Variants in ACTN1 observed in about 807,000 individuals in gnomAD.
ACTN1 encodes the protein actinin alpha 1.
In ACTN1, 30 loss-of-function variants were observed where a neutral mutation model predicts 119.6. The observed-to-expected ratio is 0.25, with a 90% confidence interval of 0.19 to 0.34. ACTN1 has a LOEUF of 0.34. Ranked by LOEUF, ACTN1 falls within the 10% of genes least tolerant of loss-of-function variation. ACTN1 has a pLI of 1.00. For synonymous variants in ACTN1, 429 were observed against 472.6 expected (o/e 0.91, Z 1.20); for missense variants, 764 against 1,223.4 (o/e 0.62, Z 5.60).
At chr14:68,961,758 A>G (rs2036549399) in intron 1 of ACTN1, among the ~76,000 whole-genome samples, 2 of 152,170 alleles carry the variant, frequency 1.3e-5, no homozygotes, top group Admixed American at 6.5e-5. Flanking sequence ...GCACAGAAGG[A>G]GGAGGCAGGA....
At chr14:68,917,882 A>G (rs2034398152) in intron 3 of ACTN1, among the ~76,000 whole-genome samples, 1 of 152,138 alleles carries the variant, frequency 6.6e-6, no homozygotes, top group African/African-American at 2.4e-5. Flanking sequence ...CCTGGCCAAC[A>G]TAGTGAAACC....
intron 1 of ACTN1, among the ~76,000 whole-genome samples, chr14:68,959,617 A>C (rs554771434): frequency 6.6e-6 from 1 of 152,252 alleles, no homozygotes; most frequent in African/African-American, 2.4e-5. Context: ...AATAAGCAAG[A>C]CATAGCAAAT....
At chr14:68,948,968 C>T (rs1433529668) in intron 1 of ACTN1, among the ~76,000 whole-genome samples, 1 of 152,238 alleles carries the variant, frequency 6.6e-6, no homozygotes, top group Non-Finnish European at 1.5e-5. Context: ...GACCAGTCAG[C>T]TGTGCACAGG....
At chr14:68,978,834 C>A in intron 1 of ACTN1, 118 bp downstream of exon 1, 1 of 607,668 alleles carries the variant, frequency 1.6e-6, no homozygotes, top group Non-Finnish European at 2.6e-6. Flanking sequence ...CGCCCCCGCC[C>A]CCTCCCGTGC....
intron 21 of ACTN1, among the ~76,000 whole-genome samples, 188 bp downstream of exon 21, chr14:68,876,894 C>G (rs1158212096): frequency 6.6e-6 from 1 of 152,182 alleles, no homozygotes. Flanking sequence ...TATACTAATC[C>G]TGTGTCCTGA....
chr14:68,945,671 C>T (rs73288978), intron 1 of ACTN1, among the ~76,000 whole-genome samples: 4,384 of 152,140 alleles, frequency 0.029, 186 homozygotes, highest in African/African-American at 0.1. Context: ...TCAGGAGAGA[C>T]GGGGAGGAGG....
intron 8 of ACTN1, among the ~76,000 whole-genome samples, chr14:68,895,778 G>T (rs1228274393): frequency 6.6e-6 from 1 of 152,144 alleles, no homozygotes; most frequent in Non-Finnish European, 1.5e-5. Flanking sequence ...TATCAAACTG[G>T]TGGACTAAGG....
In ACTN1 at chr14:68,925,066, C is replaced by T. The variant is rs928935362; in HGVS notation, c.220+492G>A. On this transcript the variant is annotated intron_variant, in intron 2 of 21. Coordinates refer to ENST00000394419, the MANE Select transcript of ACTN1 (RefSeq NM_001130004.2). The surrounding 1 kb of genome is among the most constrained non-coding windows in gnomAD (Gnocchi z 4.3). ...GCCCAGTGTATCAACCAAGGCTAGACTCACAGGACTCCCACCCCTTAAGGG... is the reference window on the plus strand; with the variant it reads ...GCCCAGTGTATCAACCAAGGCTAGATTCACAGGACTCCCACCCCTTAAGGG... Among the ~76,000 whole-genome samples, 1 of 152,184 alleles carries T rather than the reference C, an allele frequency of 6.6e-6. No homozygotes were observed. The highest frequency in any genetic ancestry group is 1.5e-5 in the Non-Finnish European group (1 of 68,040).
At chr14:68,943,116 C>T (rs1373773531) in intron 1 of ACTN1, among the ~76,000 whole-genome samples, 1 of 152,212 alleles carries the variant, frequency 6.6e-6, no homozygotes, top group African/African-American at 2.4e-5. Flanking sequence ...CCTTCCTGGC[C>T]TGTCCACTAG....
Position 68,880,870 on chromosome 14 carries a change from G to T in ACTN1, c.2073C>A (p.Asp691Glu), listed in dbSNP as rs2031442164. 1.2e-6 allele frequency: 2 copies of T among 1,613,992 alleles called. No individual in the cohort carries two copies. Among genetic ancestry groups the T allele is most frequent in the Admixed American group, 1.7e-5 (1 of 60,002 alleles). Residue 691 changes from aspartate to glutamate, a missense_variant, in exon 17 of 22, where the codon GAC becomes GAA. By Grantham distance (45) the Asp-to-Glu change is conservative. This residue lies in a region of ACTN1 where 544 missense variants were observed against 912.0 expected (regional missense o/e 0.60). Transcript: ENST00000394419. This position sits in a 1 kb window ranked among gnomAD's most constrained non-coding sequence, Gnocchi z 4.6. ...TGAGCGCCTCCTGGATGAGCTGGTG[G>T]TCGCCCTCCAGCTGATCAATCTTTG... ...YKPKIDQLEG[D>E]HQLIQEALIF...
At position 68,950,929 on chromosome 14, in the gene ACTN1, A is replaced by C. The variant is rs147820249; in HGVS notation, c.106-25257T>G. Among the ~76,000 whole-genome samples the C allele has an allele frequency of 5.6e-4, 86 of 152,274 alleles. 1 individual carries two copies. The highest frequency in any genetic ancestry group is 2.0e-3 in the African/African-American group (83 of 41,562). On this transcript the variant is annotated intron_variant, in intron 1 of 21. Transcript: ENST00000394419. ...AGACTTGTAAATCAAAAACATTTCA[A>C]ATTGTGATTCAGGAGGGTGTTTAAG...
rs2034764733 is a variant in ACTN1, at chr14:68,923,585, G to A, written c.220+1973C>T. Among the ~76,000 whole-genome samples the A allele has an allele frequency of 2.0e-5, 3 of 152,206 alleles. No individual in the cohort carries two copies. The South Asian group carries it at 6.2e-4, about 32-fold the overall frequency. ...AGCGCTTTGGGAGGCTGAGGTGGGA[G>A]GATCACCTGAGGTCAGGAGTTCAAT... is the stretch of plus-strand genomic sequence containing the variant. On this transcript the variant is annotated intron_variant, in intron 2 of 21. Transcript: ENST00000394419.
intron 1 of ACTN1, among the ~76,000 whole-genome samples, chr14:68,955,509 GTGGGCCAACCAGGGAAGCAGGGCGAGGC>G (rs2036326050): frequency 6.6e-6 from 1 of 152,204 alleles, no homozygotes; most frequent in African/African-American, 2.4e-5. Flanking sequence ...GGTCACTCCG[GTGGGCCAACCAGGGAAGCAGGGCGAGGC>G]AGGAAGCAGA....
intron 1 of ACTN1, chr14:68,978,164 C>T: frequency 4.4e-6 from 2 of 456,262 alleles, no homozygotes; most frequent in Non-Finnish European, 8.8e-6. Context: ...CCCAAATATC[C>T]CCTAAGACTG....
At chr14:68,974,552 TCACA>T (rs5809408) in intron 1 of ACTN1, among the ~76,000 whole-genome samples, 2 of 149,694 alleles carry the variant, frequency 1.3e-5, no homozygotes, top group African/African-American at 2.5e-5. Flanking sequence ...TCCTACAACA[TCACA>T]CACACACACA....
intron 11 of ACTN1, chr14:68,888,137 C>T (rs1218077121): frequency 5.2e-6 from 3 of 571,888 alleles, no homozygotes; most frequent in Non-Finnish European, 9.8e-6. Context: ...GGCATGCTGA[C>T]AGCCTTTGCG....
intron 1 of ACTN1, among the ~76,000 whole-genome samples, chr14:68,964,815 G>A (rs981639653): frequency 1.3e-5 from 2 of 152,078 alleles, no homozygotes; most frequent in South Asian, 2.1e-4. Flanking sequence ...GATCACCGCC[G>A]CCACCAGGCT....
Position 68,877,250 on chromosome 14 carries a change from A to G in ACTN1, c.2428-10T>C. The G allele has an allele frequency of 6.2e-7, 1 of 1,614,000 alleles. No individual in the cohort carries two copies. Among genetic ancestry groups the G allele is most frequent in the Non-Finnish European group, 8.5e-7 (1 of 1,179,958 alleles). On this transcript the variant is annotated splice_polypyrimidine_tract_variant and intron_variant, in intron 20 of 21. Coordinates refer to ENST00000394419, the MANE Select transcript of ACTN1 (RefSeq NM_001130004.2). ...CAAATTCTGCTTCTCCCTGGAGGGA[A>G]CAGCCAAACCCAGGCCTGTCAGCCC...
At position 68,880,124 on chromosome 14, in the gene ACTN1, G is replaced by A. The variant is rs752210315; in HGVS notation, c.2134-16C>T. On this transcript the variant is annotated splice_polypyrimidine_tract_variant and intron_variant, in intron 17 of 21. Transcript: ENST00000394419. This position sits in a 1 kb window ranked among gnomAD's most constrained non-coding sequence, Gnocchi z 4.6. ...CACGGATGTGCTGCAGGACGGCAAG[G>A]GGCCTGTCAGCAAAGGGGTCCCAGG... 3.7e-6 allele frequency: 6 copies of A among 1,611,940 alleles called. No homozygotes were observed. Among genetic ancestry groups the A allele is most frequent in the South Asian group, 2.2e-5 (2 of 91,006 alleles).
Sources: gnomAD v4.1 joint callset for allele counts (sites outside exome capture counted in the v4.1 genomes callset) on GRCh38, gnomAD v4.1.1 for gene constraint, gnomAD v4.1.1 regional missense constraint, Gnocchi (gnomAD v3.1) non-coding constraint, MANE v1.5 for transcripts, NCBI Gene and HGNC (gene_info 2026-07-23, HGNC 2026-07-21) for gene names.